Variants in RRP7A observed in about 807,000 individuals in gnomAD.
RRP7A encodes the protein ribosomal RNA-processing protein 7 homolog A.
Under a neutral mutation model 38.4 loss-of-function variants are expected in RRP7A, and 27 were observed. The observed-to-expected ratio is 0.70, with a 90% CI of 0.52 to 0.97. RRP7A has a LOEUF of 0.97. Among genes scored for constraint, RRP7A ranks in the 50% least tolerant of loss-of-function variants. The probability of loss-of-function intolerance (pLI) is 0.00; values close to 1 mark genes in which losing one functional copy is unlikely to be tolerated. For missense variants in RRP7A, 327 were observed against 375.4 expected (o/e 0.87, Z 1.07); for synonymous variants, 124 against 150.3 (o/e 0.83, Z 1.28).
intron 1 of RRP7A, among the ~76,000 whole-genome samples, chr22:42,519,028 C>T (rs1361113635): frequency 9.5e-5 from 14 of 147,676 alleles, no homozygotes; most frequent in Non-Finnish European, 1.9e-4. Flanking sequence ...CAGGCCAGAA[C>T]GCCACTGTGC....
Position 42,509,741 on chromosome 22 carries a change from A to C in RRP7A, c.*3169T>G, listed in dbSNP as rs1932386151. ...TGGATGAAGTCAGACACAACCGTCT[A>C]CGTGTTGTATGGCTGCATTCACGTT... On this transcript the variant is annotated 3_prime_UTR_variant, in exon 7 of 7. Coordinates refer to ENST00000323013, the MANE Select transcript of RRP7A (RefSeq NM_015703.5). 6.7e-6 allele frequency among the ~76,000 whole-genome samples: 1 copy of C among 149,068 alleles called. No individual in the cohort carries two copies. The highest frequency in any genetic ancestry group is 1.5e-5 in the Non-Finnish European group (1 of 67,374).
intron 3 of RRP7A, 140 bp from the exon 4 acceptor site, chr22:42,515,408 G>T: frequency 1.5e-6 from 1 of 645,838 alleles, no homozygotes; most frequent in South Asian, 1.9e-5. Flanking sequence ...GAGAACCACA[G>T]GCCATCCCAT....
chr22:42,516,957 T>G (rs969293671), intron 2 of RRP7A, among the ~76,000 whole-genome samples: 12 of 152,156 alleles, frequency 7.9e-5, no homozygotes, highest in Non-Finnish European at 1.6e-4. Flanking sequence ...TTTTACAAAT[T>G]AGGGTTTCTT....
In RRP7A at chr22:42,510,855, T is replaced by A. The variant is rs2281103; in HGVS notation, c.*2055A>T. On this transcript the variant is annotated 3_prime_UTR_variant, in exon 7 of 7. Transcript: ENST00000323013. Reference sequence around the variant, plus strand: ...GGCCCAACAAGTGACCACCAGGATCTATCAGGCCTCATGCTCCAGTGATCA... The same window carrying A: ...GGCCCAACAAGTGACCACCAGGATCAATCAGGCCTCATGCTCCAGTGATCA... The A allele has an allele frequency of 0.07, 76,722 of 1,097,044 alleles. 8,877 individuals carry two copies. The highest frequency in any genetic ancestry group is 0.7 in the East Asian group (15,098 of 21,700). The allele number at this position is 1,097,044 out of a possible 1,614,324, so 68.0% of individuals were successfully genotyped here.
At chr22:42,518,657 TCA>T (rs1325841388) in intron 1 of RRP7A, 1 of 470,428 alleles carries the variant, frequency 2.1e-6, no homozygotes, top group East Asian at 6.9e-5. Context: ...AGCCTTAGCA[TCA>T]CCTCCGCCCC....
At chr22:42,517,290 T>A (rs905213503) in intron 2 of RRP7A, among the ~76,000 whole-genome samples, 4 of 31,996 alleles carry the variant, frequency 1.3e-4, no homozygotes, top group African/African-American at 8.5e-4. Context: ...ATAAATAAAT[T>A]AAATAAATAA....
chr22:42,519,745 C>T lies in RRP7A; in HGVS notation c.42G>A (p.Glu14=), dbSNP rs781427827. 2 of 1,456,794 alleles carry T rather than the reference C, an allele frequency of 1.4e-6. No individual in the cohort carries two copies. Among genetic ancestry groups the T allele is most frequent in the Non-Finnish European group, 9.0e-7 (1 of 1,106,760 alleles). 90.2% of individuals were successfully genotyped at this position (1,456,794 alleles called of 1,614,324 possible). A position where few individuals can be genotyped will look rare whatever the true frequency, so the allele number is the denominator to read the frequency against. Residue 14 remains glutamate, a synonymous_variant, in exon 1 of 7, where the codon GAG becomes GAA. Coordinates refer to ENST00000323013, the MANE Select transcript of RRP7A (RefSeq NM_015703.5). ...RRRKCAARDP[E]DRIPSPLGYA... Reference sequence around the variant, plus strand: ...AGCCCAGTGGGCTGGGGATACGGTCCTCCGGGTCCCGCGCGGCGCACTTCC... The same window carrying T: ...AGCCCAGTGGGCTGGGGATACGGTCTTCCGGGTCCCGCGCGGCGCACTTCC...
At position 42,509,652 on chromosome 22, in the gene RRP7A, T is replaced by TA. The variant is rs1569257735; in HGVS notation, c.*3257dup. 6.6e-6 allele frequency among the ~76,000 whole-genome samples: 1 copy of TA among 151,772 alleles called. No individual in the cohort carries two copies. On this transcript the variant is annotated 3_prime_UTR_variant, in exon 7 of 7. Coordinates refer to ENST00000323013, the MANE Select transcript of RRP7A (RefSeq NM_015703.5). ...CCCACCATAGACGATTTTTAAGCCA[T>TA]AAAAAGAAACGAAGCACTGACATGG...
chr22:42,512,466 C>G lies in RRP7A; in HGVS notation c.*444G>C. ...GGGCTGCTGTCTCCTGGCTAATAAT[C>G]TCCAGCCAGCTGGAGGAAGGAAGGG... On this transcript the variant is annotated 3_prime_UTR_variant, in exon 7 of 7. Coordinates refer to ENST00000323013, the MANE Select transcript of RRP7A (RefSeq NM_015703.5). 1 of 577,962 alleles carries G rather than the reference C, an allele frequency of 1.7e-6. No individual in the cohort carries two copies. Among genetic ancestry groups the G allele is most frequent in the Non-Finnish European group, 3.1e-6 (1 of 327,314 alleles). The allele number at this position is 577,962 out of a possible 1,614,324, so 35.8% of individuals were successfully genotyped here.
chr22:42,508,802 G>A lies in RRP7A; in HGVS notation c.*4108C>T, dbSNP rs1296030253. Among the ~76,000 whole-genome samples, 11 of 152,212 alleles carry A rather than the reference G, an allele frequency of 7.2e-5. No individual in the cohort carries two copies. Among genetic ancestry groups the A allele is most frequent in the South Asian group, 4.1e-4 (2 of 4,834 alleles). ...AAATGGAGTCAGGCTGGGTAGCCAC[G>A]AGCCCAGGAAGAGGGGAGAACAGAC... is the stretch of plus-strand genomic sequence containing the variant. On this transcript the variant is annotated 3_prime_UTR_variant, in exon 7 of 7. Coordinates refer to ENST00000323013, the MANE Select transcript of RRP7A (RefSeq NM_015703.5).
Position 42,512,266 on chromosome 22 carries a change from T to G in RRP7A, c.*644A>C, listed in dbSNP as rs1157731616. 56 of 1,601,170 alleles carry G rather than the reference T, an allele frequency of 3.5e-5. No homozygotes were observed. Among genetic ancestry groups the G allele is most frequent in the Non-Finnish European group, 6.8e-6 (8 of 1,169,438 alleles). ...TGGGCCTGGAACTATGAAGACCTAGTGCTCCCAGACTCAACACTGGGACTC... is the reference window on the plus strand; with the variant it reads ...TGGGCCTGGAACTATGAAGACCTAGGGCTCCCAGACTCAACACTGGGACTC... On this transcript the variant is annotated 3_prime_UTR_variant, in exon 7 of 7. Transcript: ENST00000323013.
chr22:42,517,588 T>C (rs371018904), intron 2 of RRP7A, among the ~76,000 whole-genome samples: 1 of 152,026 alleles, frequency 6.6e-6, no homozygotes, highest in Admixed American at 6.6e-5. Flanking sequence ...GGCGCGATCT[T>C]GGCTCACTGC....
chr22:42,513,047 G>T (rs1253890815), intron 6 of RRP7A, 52 bp from the exon 7 acceptor site: 1 of 1,506,744 alleles, frequency 6.6e-7, no homozygotes, highest in South Asian at 1.1e-5. Context: ...CCCCGGGGAA[G>T]CTGGCTTGCT....
At chr22:42,515,970 A>AC in intron 3 of RRP7A, 41 bp downstream of exon 3, 2 of 1,554,828 alleles carry the variant, frequency 1.3e-6, no homozygotes, top group Non-Finnish European at 1.7e-6. Context: ...ACAGTGCCCC[A>AC]CCCCCCTCAC....
rs1932421166 is a variant in RRP7A, at chr22:42,510,446, C to G, written c.*2464G>C. On this transcript the variant is annotated 3_prime_UTR_variant, in exon 7 of 7. Coordinates refer to ENST00000323013, the MANE Select transcript of RRP7A (RefSeq NM_015703.5). ...CTTGCTTGCGCCTGGCTTGTGCCAG[C>G]TGAGCGTGAGCTGAGATTAACTGAG... 3.4e-6 allele frequency: 1 copy of G among 294,968 alleles called. No homozygotes were observed. The highest frequency in any genetic ancestry group is 5.3e-5 in the Admixed American group (1 of 18,982). The allele number at this position is 294,968 out of a possible 1,614,324, so 18.3% of individuals were successfully genotyped here.
In RRP7A at chr22:42,509,026, A is replaced by G. The variant is rs777164950; in HGVS notation, c.*3884T>C. On this transcript the variant is annotated 3_prime_UTR_variant, in exon 7 of 7. Transcript: ENST00000323013. ...GAATTCACCATGTTTTTGTCTCTGC[A>G]GGCAGAGAACAGCATTGACTTCGTC... is the stretch of plus-strand genomic sequence containing the variant. 5.2e-5 allele frequency: 83 copies of G among 1,609,576 alleles called. 2 individuals carry two copies. The highest frequency in any genetic ancestry group is 7.1e-5 in the Non-Finnish European group (83 of 1,175,834).
intron 1 of RRP7A, among the ~76,000 whole-genome samples, chr22:42,519,209 G>C (rs1055911069): frequency 1.3e-5 from 2 of 150,420 alleles, no homozygotes; most frequent in African/African-American, 4.9e-5. Context: ...AGGGAATGCA[G>C]TAGGTGTGGC....
At chr22:42,519,028 CGCCACTGT>C (rs1445513836) in intron 1 of RRP7A, among the ~76,000 whole-genome samples, 1 of 147,682 alleles carries the variant, frequency 6.8e-6, no homozygotes. Context: ...CAGGCCAGAA[CGCCACTGT>C]GCAACAAACC....
intron 2 of RRP7A, among the ~76,000 whole-genome samples, chr22:42,516,920 C>T (rs1920931488): frequency 6.6e-6 from 1 of 152,152 alleles, no homozygotes; most frequent in Non-Finnish European, 1.5e-5. Context: ...CTACATGCTT[C>T]TTTTTTTCTC....
Sources: allele counts gnomAD v4.1 joint callset (sites outside exome capture counted in the v4.1 genomes callset), GRCh38; gene constraint gnomAD v4.1.1; transcripts MANE v1.5; gene names NCBI Gene and HGNC (gene_info 2026-07-23, HGNC 2026-07-21).